CSMD3: variants seen among roughly 807,000 people sequenced by gnomAD.
CSMD3 encodes CUB and Sushi multiple domains 3.
A neutral mutation model predicts 435.2 loss-of-function variants in CSMD3; 177 were observed. That is an observed-to-expected ratio of 0.41 (90% CI 0.36 to 0.46). The LOEUF (loss-of-function observed/expected upper bound fraction) is 0.46, where lower values mean the gene tolerates loss of function less well. CSMD3 is among the 20% of genes least tolerant of loss of function. The pLI is 0.34. For synonymous variants in CSMD3, 1,656 were observed against 1,520.5 expected, an observed-to-expected ratio of 1.09 and a Z score of -2.07; for missense variants, 4,265 against 4,504.6, an observed-to-expected ratio of 0.95 and a Z score of 1.52.
intron 5 of CSMD3, among the ~76,000 whole-genome samples, chr8:113,079,616 G>C (rs1021153123): frequency 1.3e-5 from 2 of 152,046 alleles, no homozygotes; most frequent in Non-Finnish European, 2.9e-5. Context: ...CAGTCTTCTT[G>C]TAGAAACTTA....
chr8:113,400,068 AT>A (rs1034226986), intron 1 of CSMD3, among the ~76,000 whole-genome samples: 53 of 151,904 alleles, frequency 3.5e-4, no homozygotes, highest in Non-Finnish European at 8.8e-5. Flanking sequence ...ATTTGCAGCA[AT>A]ATCCCTATTT....
Position 113,218,778 on chromosome 8 carries a change from T to G in CSMD3, c.515-44862A>C, listed in dbSNP as rs1010839779. On this transcript the variant is annotated intron_variant, in intron 3 of 70. Coordinates refer to ENST00000297405, the MANE Select transcript of CSMD3 (RefSeq NM_198123.2). ...GTTGAGTAACCTTTATCCAAAATGCTTGGGGCCAGAAATGCTTCATATTTC... is the reference window on the plus strand; with the variant it reads ...GTTGAGTAACCTTTATCCAAAATGCGTGGGGCCAGAAATGCTTCATATTTC... Among the ~76,000 whole-genome samples, 3 of 151,338 alleles carry G rather than the reference T, an allele frequency of 2.0e-5. No individual in the cohort carries two copies. In the South Asian group the frequency reaches 6.2e-4, roughly 31 times the overall value.
In CSMD3 at chr8:112,337,257, A is replaced by C. The variant is rs138838772; in HGVS notation, c.6841+286T>G. ...TAGTGGTTTATGTAAGAATGACTTAAATGCATACAAACCCACATGCACCCC... is the reference window on the plus strand; with the variant it reads ...TAGTGGTTTATGTAAGAATGACTTACATGCATACAAACCCACATGCACCCC... On this transcript the variant is annotated intron_variant, in intron 43 of 70. Transcript: ENST00000297405. Among the ~76,000 whole-genome samples, 47 of 152,242 alleles carry C rather than the reference A, an allele frequency of 3.1e-4. No homozygotes were observed. The East Asian group carries it at 8.9e-3, about 29-fold the overall frequency.
intron 38 of CSMD3, among the ~76,000 whole-genome samples, chr8:112,373,354 A>G (rs1828623661): frequency 6.6e-6 from 1 of 152,114 alleles, no homozygotes; most frequent in South Asian, 2.1e-4. Flanking sequence ...CAAATGAAAT[A>G]CCCAAAAATG....
intron 12 of CSMD3, among the ~76,000 whole-genome samples, chr8:112,826,882 A>C (rs2079696804): frequency 6.6e-6 from 1 of 152,080 alleles, no homozygotes; most frequent in Non-Finnish European, 1.5e-5. Context: ...TTCTTTTGAA[A>C]AATAATACCT....
chr8:112,597,573 A>G (rs1340146896), intron 22 of CSMD3, among the ~76,000 whole-genome samples: 1 of 118,084 alleles, frequency 8.5e-6, no homozygotes, highest in Non-Finnish European at 1.7e-5. Flanking sequence ...AAAAAAGAGA[A>G]TTTTAGACCA....
chr8:112,829,649 G>T (rs200590425), intron 12 of CSMD3, 37 bp downstream of exon 12: 3 of 1,225,170 alleles, frequency 2.4e-6, no homozygotes, highest in South Asian at 2.4e-5. Context: ...ATTAGTACCC[G>T]ATAGGCTAAG....
chr8:112,498,995 G>A (rs1821658926), intron 30 of CSMD3, among the ~76,000 whole-genome samples: 1 of 152,128 alleles, frequency 6.6e-6, no homozygotes, highest in Non-Finnish European at 1.5e-5. Context: ...GGCACTTAGT[G>A]TATAGTGGTG....
At chr8:113,296,702 T>C (rs1278366550) in intron 2 of CSMD3, among the ~76,000 whole-genome samples, 1 of 152,170 alleles carries the variant, frequency 6.6e-6, no homozygotes, top group African/African-American at 2.4e-5. Context: ...TTATCAGATA[T>C]AGAGAATACC....
At chr8:112,660,560 T>G (rs965145131) in intron 17 of CSMD3, among the ~76,000 whole-genome samples, 104 of 151,678 alleles carry the variant, frequency 6.9e-4, no homozygotes, top group African/African-American at 2.5e-3. Context: ...AGAAGATATT[T>G]AAGGATTTTT....
At chr8:112,716,130 A>G (rs2131944582) in intron 13 of CSMD3, among the ~76,000 whole-genome samples, 1 of 152,324 alleles carries the variant, frequency 6.6e-6, no homozygotes, top group Middle Eastern at 3.4e-3. Flanking sequence ...AGAGGAAGTC[A>G]AATTGTTTCT....
At chr8:113,264,145 T>C (rs2093449288) in intron 3 of CSMD3, among the ~76,000 whole-genome samples, 1 of 151,434 alleles carries the variant, frequency 6.6e-6, no homozygotes, top group Non-Finnish European at 1.5e-5. Context: ...TTTATCAGTT[T>C]ACTAAGTTTT....
At chr8:112,861,781 G>T (rs2080833866) in intron 10 of CSMD3, among the ~76,000 whole-genome samples, 1 of 151,820 alleles carries the variant, frequency 6.6e-6, no homozygotes. Flanking sequence ...CAAAGCAATT[G>T]GTTTGTAGTG....
intron 2 of CSMD3, among the ~76,000 whole-genome samples, chr8:113,280,341 A>G (rs1327855651): frequency 1.3e-5 from 2 of 151,350 alleles, no homozygotes; most frequent in African/African-American, 2.4e-5. Context: ...CAATCTTCCT[A>G]CTTGTTATTG....
chr8:112,610,911 A>T (rs1187701411), intron 22 of CSMD3, among the ~76,000 whole-genome samples: 9 of 152,156 alleles, frequency 5.9e-5, no homozygotes, highest in Admixed American at 5.2e-4. Context: ...AAGAAGCTTC[A>T]TGCTTTCTTC....
At chr8:112,781,521 G>A (rs965637460) in intron 13 of CSMD3, among the ~76,000 whole-genome samples, 1 of 152,060 alleles carries the variant, frequency 6.6e-6, no homozygotes, top group African/African-American at 2.4e-5. Context: ...GAAGAGAATG[G>A]CACTAGTCTG....
chr8:112,310,721 A>T (rs1821894863), intron 50 of CSMD3: 1 of 531,666 alleles, frequency 1.9e-6, no homozygotes, highest in South Asian at 2.0e-5. Flanking sequence ...TGGAGGATGT[A>T]TGAATAAAGT....
chr8:113,318,773 A>T (rs1189915692), intron 1 of CSMD3, among the ~76,000 whole-genome samples: 1 of 124,732 alleles, frequency 8.0e-6, no homozygotes, highest in Non-Finnish European at 1.7e-5. Context: ...TTCCTCTTTT[A>T]AGGCTGAATA....
intron 3 of CSMD3, among the ~76,000 whole-genome samples, chr8:113,252,468 A>G (rs1478584412): frequency 6.6e-6 from 1 of 150,914 alleles, no homozygotes; most frequent in Non-Finnish European, 1.5e-5. Flanking sequence ...ATTTTTTTTT[A>G]CCGTTTTCTT....
Sources: allele counts gnomAD v4.1 joint callset (sites outside exome capture counted in the v4.1 genomes callset), GRCh38; gene constraint gnomAD v4.1.1; transcripts MANE v1.5; gene names NCBI Gene and HGNC (gene_info 2026-07-23, HGNC 2026-07-21).